ZFHX3: variants seen among roughly 807,000 people sequenced by gnomAD.
The protein encoded by ZFHX3 is zinc finger homeobox protein 3.
A neutral mutation model predicts 279.1 loss-of-function variants in ZFHX3; 42 were observed. The observed-to-expected ratio is 0.15, with a 90% confidence interval of 0.12 to 0.19. The LOEUF is 0.19. Ranked by LOEUF, ZFHX3 falls within the 10% of genes least tolerant of loss-of-function variation. ZFHX3 has a pLI of 1.00. For synonymous variants in ZFHX3, 2,293 were observed against 1,957.8 expected (o/e 1.17, Z -4.52); for missense variants, 4,981 against 4,754.0 (o/e 1.05, Z -1.40).
chr16:73,568,918 G>A (rs2020489768), intron 2 of ZFHX3, among the ~76,000 whole-genome samples: 1 of 152,012 alleles, frequency 6.6e-6, no homozygotes, highest in African/African-American at 2.4e-5. Flanking sequence ...GAAAGCCTCC[G>A]AGATAAGAAG....
chr16:72,841,037 G>C (rs915062735), intron 4 of ZFHX3, among the ~76,000 whole-genome samples: 3 of 152,158 alleles, frequency 2.0e-5, no homozygotes, highest in African/African-American at 7.2e-5. Context: ...AGAATGCAAT[G>C]CTAGAAACGT....
intron 3 of ZFHX3, among the ~76,000 whole-genome samples, chr16:72,899,585 A>G (rs1288542029): frequency 6.6e-6 from 1 of 151,976 alleles, no homozygotes; most frequent in African/African-American, 2.4e-5. Context: ...TGCTCATCCA[A>G]CTCCACGTCA....
At chr16:73,258,034 C>G (rs553998060) in intron 4 of ZFHX3, among the ~76,000 whole-genome samples, 54 of 152,294 alleles carry the variant, frequency 3.5e-4, no homozygotes, top group Non-Finnish European at 6.0e-4. Flanking sequence ...GACAACCAAA[C>G]AGGTCTCCAG....
At position 72,786,040 on chromosome 16, in the gene ZFHX3, A is replaced by AGAT. The variant is rs1475595397; in HGVS notation, c.*1121_*1123dup. Reference sequence around the variant, plus strand: ...AATGAAGGCAGCTACCTTAAGTGGGAGATTATAGGACGGGAGGTGGGAGAA... The same window carrying AGAT: ...AATGAAGGCAGCTACCTTAAGTGGGAGATGATTATAGGACGGGAGGTGGGAGAA... On this transcript the variant is annotated 3_prime_UTR_variant, in exon 10 of 10. Coordinates refer to ENST00000268489, the MANE Select transcript of ZFHX3 (RefSeq NM_006885.4). The AGAT allele has an allele frequency of 3.3e-5, 5 of 152,098 alleles. No homozygotes were observed. The highest frequency in any genetic ancestry group is 2.6e-4 in the Admixed American group (4 of 15,262). The allele number at this position is 152,098 out of a possible 1,614,324, so 9.4% of individuals were successfully genotyped here.
chr16:72,842,458 G>T (rs571616977), intron 4 of ZFHX3, among the ~76,000 whole-genome samples: 1 of 152,158 alleles, frequency 6.6e-6, no homozygotes, highest in Non-Finnish European at 1.5e-5. Flanking sequence ...ACAAATGAAA[G>T]GTTATGCTTC....
intron 2 of ZFHX3, among the ~76,000 whole-genome samples, chr16:73,553,804 C>A (rs1475808202): frequency 1.3e-5 from 2 of 152,136 alleles, no homozygotes; most frequent in Non-Finnish European, 2.9e-5. Flanking sequence ...TTTCCTGCTT[C>A]TAGGTGCCAG....
intron 8 of ZFHX3, among the ~76,000 whole-genome samples, chr16:73,078,820 A>G (rs985094717): frequency 1.3e-4 from 19 of 151,636 alleles, no homozygotes; most frequent in Non-Finnish European, 2.5e-4. Flanking sequence ...ATTTTTTTGT[A>G]TTTTTAGTAG....
chr16:73,464,873 C>G (rs1183539648), intron 2 of ZFHX3, among the ~76,000 whole-genome samples: 1 of 152,164 alleles, frequency 6.6e-6, no homozygotes, highest in South Asian at 2.1e-4. Context: ...CATTGACCAT[C>G]GAAGGCTATG....
Position 73,837,107 on chromosome 16 carries a change from A to T in ZFHX3, c.-1608+54544T>A, listed in dbSNP as rs558060670. Among the ~76,000 whole-genome samples, 82 of 152,334 alleles carry T rather than the reference A, an allele frequency of 5.4e-4. 2 individuals carry two copies. The South Asian group carries it at 0.016, about 30-fold the overall frequency. ...GTATTCTGCTACAGCAACACACAAT[A>T]GAGTAAGACAAAGATGGAGTCAAGA... On this transcript the variant is annotated intron_variant, in intron 1 of 17. Coordinates refer to the ZFHX3 transcript ENST00000641206.
At chr16:73,471,461 T>G (rs189546879) in intron 2 of ZFHX3, among the ~76,000 whole-genome samples, 4 of 152,202 alleles carry the variant, frequency 2.6e-5, no homozygotes, top group African/African-American at 9.6e-5. Context: ...CAGGCTGAAG[T>G]GCAATGGTGC....
intron 3 of ZFHX3, among the ~76,000 whole-genome samples, chr16:72,892,431 GA>G (rs1193074737): frequency 6.6e-6 from 1 of 151,890 alleles, no homozygotes; most frequent in Non-Finnish European, 1.5e-5. Context: ...TTACCTATTA[GA>G]AAAATTACAA....
At chr16:72,870,353 T>G (rs1047485160) in intron 4 of ZFHX3, among the ~76,000 whole-genome samples, 1 of 149,390 alleles carries the variant, frequency 6.7e-6, no homozygotes, top group Non-Finnish European at 1.5e-5. Context: ...GATCTCGCCA[T>G]TGCACTCCAG....
intron 3 of ZFHX3, among the ~76,000 whole-genome samples, chr16:73,357,190 T>C (rs1345317482): frequency 6.6e-6 from 1 of 151,918 alleles, no homozygotes; most frequent in East Asian, 1.9e-4. Flanking sequence ...ACTAAGAGAA[T>C]AGATCTTAAT....
At chr16:73,732,834 A>G (rs931426457) in intron 1 of ZFHX3, among the ~76,000 whole-genome samples, 9 of 152,172 alleles carry the variant, frequency 5.9e-5, no homozygotes, top group African/African-American at 2.2e-4. Context: ...TGAGAGAAGT[A>G]TTTGCCTTTG....
chr16:73,619,115 T>C (rs1174839121), intron 2 of ZFHX3, among the ~76,000 whole-genome samples: 3 of 152,150 alleles, frequency 2.0e-5, no homozygotes, highest in Non-Finnish European at 2.9e-5. Context: ...TCTGAGAAGA[T>C]TCAAGACAAG....
intron 1 of ZFHX3, among the ~76,000 whole-genome samples, chr16:73,777,466 G>A (rs990375385): frequency 4.4e-5 from 5 of 114,766 alleles, no homozygotes; most frequent in Non-Finnish European, 8.2e-5. Flanking sequence ...TCAAAATCAC[G>A]CCACTGCGCT....
chr16:73,682,750 G>A (rs1446076211), intron 1 of ZFHX3, among the ~76,000 whole-genome samples: 1 of 150,672 alleles, frequency 6.6e-6, no homozygotes, highest in Non-Finnish European at 1.5e-5. Context: ...TCCCACCACT[G>A]CACTCCAGCC....
chr16:73,013,717 G>C (rs924822399), intron 1 of ZFHX3, among the ~76,000 whole-genome samples: 5 of 151,990 alleles, frequency 3.3e-5, no homozygotes, highest in Non-Finnish European at 2.9e-5. Context: ...ATTTCATCTC[G>C]AAGCCTCTTC....
At chr16:73,792,048 A>T (rs1959839623) in intron 1 of ZFHX3, among the ~76,000 whole-genome samples, 1 of 152,186 alleles carries the variant, frequency 6.6e-6, no homozygotes. Flanking sequence ...CAGACTCCTA[A>T]TTCTACCATC....
Sources: allele counts gnomAD v4.1 joint callset (sites outside exome capture counted in the v4.1 genomes callset), GRCh38; gene constraint gnomAD v4.1.1; transcripts MANE v1.5; gene names NCBI Gene and HGNC (gene_info 2026-07-23, HGNC 2026-07-21).